The following SLC9A9 variants were observed in gnomAD, a reference collection of about 807,000 sequenced individuals.
SLC9A9 encodes the protein solute carrier family 9 member A9.
In SLC9A9, 62 loss-of-function variants were observed where a neutral mutation model predicts 77.8. The observed-to-expected ratio is 0.80, with a 90% confidence interval of 0.65 to 0.98. The LOEUF (loss-of-function observed/expected upper bound fraction) is 0.98. Ranked by LOEUF, SLC9A9 falls within the 50% of genes least tolerant of loss-of-function variation. SLC9A9 has a pLI of 0.00. For missense variants in SLC9A9, 775 were observed against 774.9 expected (o/e 1.00, Z 0.00); for synonymous variants, 320 against 283.5 (o/e 1.13, Z -1.29).
chr3:143,541,391 A>G (rs2036687507), intron 9 of SLC9A9, among the ~76,000 whole-genome samples: 2 of 152,200 alleles, frequency 1.3e-5, no homozygotes, highest in Non-Finnish European at 2.9e-5. Context: ...ACCTTGAGAC[A>G]CGGAAGCCCT....
chr3:143,657,625 G>C (rs1334007349), intron 5 of SLC9A9, among the ~76,000 whole-genome samples: 1 of 152,184 alleles, frequency 6.6e-6, no homozygotes, highest in African/African-American at 2.4e-5. Flanking sequence ...TGATGCAACA[G>C]ATTGAATGCA....
intron 9 of SLC9A9, chr3:143,503,644 G>A: frequency 4.5e-6 from 2 of 448,240 alleles, no homozygotes; most frequent in Non-Finnish European, 9.0e-6. Context: ...GGCAGTGCCA[G>A]GAGATGCAGG....
At chr3:143,729,509 A>G (rs1934748299) in intron 4 of SLC9A9, among the ~76,000 whole-genome samples, 1 of 152,134 alleles carries the variant, frequency 6.6e-6, no homozygotes, top group South Asian at 2.1e-4. Context: ...CCAGGCCTCC[A>G]TGATAGCAGG....
chr3:143,605,689 C>T (rs769956360), intron 6 of SLC9A9, among the ~76,000 whole-genome samples: 1 of 152,150 alleles, frequency 6.6e-6, no homozygotes. Flanking sequence ...TTATCTCTGG[C>T]ATATATTGAA....
At chr3:143,686,830 A>G (rs970877462) in intron 5 of SLC9A9, among the ~76,000 whole-genome samples, 2 of 152,100 alleles carry the variant, frequency 1.3e-5, no homozygotes, top group African/African-American at 4.8e-5. Flanking sequence ...CGAATCATCT[A>G]TTTCCAGCTG....
chr3:143,413,486 G>GGT (rs1370048401), intron 12 of SLC9A9, among the ~76,000 whole-genome samples: 1 of 152,182 alleles, frequency 6.6e-6, no homozygotes, highest in African/African-American at 2.4e-5. Flanking sequence ...TGGAAATGGT[G>GGT]GTGGGGCAGT....
chr3:143,645,557 C>G (rs1352987587), intron 6 of SLC9A9, among the ~76,000 whole-genome samples: 1 of 152,130 alleles, frequency 6.6e-6, no homozygotes, highest in Non-Finnish European at 1.5e-5. Flanking sequence ...TCAAGGTTCC[C>G]CTCAGTTCCA....
chr3:143,311,427 T>A (rs537377220), intron 14 of SLC9A9, among the ~76,000 whole-genome samples: 1 of 152,342 alleles, frequency 6.6e-6, no homozygotes, highest in South Asian at 2.1e-4. Flanking sequence ...CCAGCATTCT[T>A]ATTCCAATTC....
At chr3:143,734,629 G>A (rs1934893393) in intron 4 of SLC9A9, among the ~76,000 whole-genome samples, 1 of 151,658 alleles carries the variant, frequency 6.6e-6, no homozygotes, top group Admixed American at 6.6e-5. Context: ...AGCTACTCGG[G>A]AGGCTGAGGC....
At chr3:143,811,776 C>T (rs550268344) in intron 2 of SLC9A9, 7 of 450,756 alleles carry the variant, frequency 1.6e-5, no homozygotes, top group South Asian at 9.3e-5. Flanking sequence ...GCACGAGAAT[C>T]GCATGAACCC....
At chr3:143,405,108 G>A (rs73144760) in intron 12 of SLC9A9, among the ~76,000 whole-genome samples, 15,822 of 152,210 alleles carry the variant, frequency 0.1, 935 homozygotes, top group South Asian at 0.16. Context: ...AGGCATGAAT[G>A]TGATCCCAGA....
intron 14 of SLC9A9, chr3:143,314,475 T>G (rs1307690482): frequency 2.6e-5 from 4 of 152,244 alleles, no homozygotes; most frequent in African/African-American, 4.8e-5. Context: ...TGAAAGGGGA[T>G]TGTGTGAGTG....
Position 143,299,946 on chromosome 3 carries a change from A to T in SLC9A9, c.1605-30966T>A, listed in dbSNP as rs1204870874. Among the ~76,000 whole-genome samples the T allele has an allele frequency of 2.6e-5, 4 of 152,202 alleles. 1 individual carries two copies. In the South Asian group the frequency reaches 6.2e-4, roughly 24 times the overall value. ...GACACAGTTTCTCTTTTGTCCAACA[A>T]TTGGCAAAATGTATGATTTGGAAAA... On this transcript the variant is annotated intron_variant, in intron 14 of 15. Transcript: ENST00000316549.
At position 143,567,618 on chromosome 3, in the gene SLC9A9, T is replaced by C. The variant is rs142450007; in HGVS notation, c.1000+6470A>G. ...AAAACCAAGTTCTTGTATGTGACTA[T>C]TGAACACTGGCAGGTGCAATTTCCA... On this transcript the variant is annotated intron_variant, in intron 8 of 15. Transcript: ENST00000316549. Among the ~76,000 whole-genome samples the C allele has an allele frequency of 2.1e-3, 325 of 152,338 alleles. 2 individuals carry two copies. Among genetic ancestry groups the C allele is most frequent in the African/African-American group, 7.2e-3 (301 of 41,588 alleles).
chr3:143,588,278 C>T (rs2037580272), intron 6 of SLC9A9, among the ~76,000 whole-genome samples: 2 of 152,160 alleles, frequency 1.3e-5, no homozygotes, highest in Admixed American at 6.5e-5. Flanking sequence ...CCAATTTCCT[C>T]CAGGCCTGCC....
chr3:143,813,897 A>G (rs572078800), intron 2 of SLC9A9, among the ~76,000 whole-genome samples: 3 of 152,312 alleles, frequency 2.0e-5, no homozygotes, highest in Middle Eastern at 3.4e-3. Context: ...AGACCTCAAG[A>G]TTGTCCTGGA....
At chr3:143,436,157 G>A (rs2034618077) in intron 12 of SLC9A9, among the ~76,000 whole-genome samples, 1 of 152,116 alleles carries the variant, frequency 6.6e-6, no homozygotes, top group South Asian at 2.1e-4. Context: ...GGCTGGGGGT[G>A]TCCACTGGTA....
intron 14 of SLC9A9, among the ~76,000 whole-genome samples, chr3:143,350,430 C>T (rs1480878386): frequency 1.3e-5 from 2 of 152,204 alleles, no homozygotes; most frequent in South Asian, 2.1e-4. Context: ...CAGACACCTT[C>T]ACCTGATACT....
chr3:143,344,451 G>C (rs1400467111), intron 14 of SLC9A9: 1 of 152,094 alleles, frequency 6.6e-6, no homozygotes, highest in Non-Finnish European at 1.5e-5. Flanking sequence ...TATATTAAGA[G>C]ACACCTCTTT....
Sources: allele counts gnomAD v4.1 joint callset (sites outside exome capture counted in the v4.1 genomes callset), GRCh38; gene constraint gnomAD v4.1.1; transcripts MANE v1.5; gene names NCBI Gene and HGNC (gene_info 2026-07-23, HGNC 2026-07-21).